Variants in SH3RF3 observed in about 807,000 individuals in gnomAD.
SH3RF3 encodes the protein E3 ubiquitin-protein ligase SH3RF3.
SH3RF3 carries 29 observed loss-of-function variants against 66.3 expected under a neutral mutation model. The observed-to-expected ratio is 0.44, with a 90% CI of 0.33 to 0.60. SH3RF3 has a LOEUF of 0.60. Ranked by LOEUF, SH3RF3 falls within the 20% of genes least tolerant of loss-of-function variation. SH3RF3 has a pLI of 0.04. For missense variants in SH3RF3, 1,194 were observed against 1,190.9 expected (o/e 1.00, Z -0.04); for synonymous variants, 583 against 532.0 (o/e 1.10, Z -1.32).
Position 109,224,832 on chromosome 2 carries a change from G to A in SH3RF3, c.573+94719G>A, listed in dbSNP as rs146971475. 6.3e-3 allele frequency among the ~76,000 whole-genome samples: 964 copies of A among 152,204 alleles called. 15 individuals are homozygous for A. Among genetic ancestry groups the A allele is most frequent in the African/African-American group, 0.022 (922 of 41,486 alleles). On this transcript the variant is annotated intron_variant, in intron 1 of 9. Transcript: ENST00000309415. ...AGATCATGCCACTGCAGTCCAGCCT[G>A]GGTGACAGAGCAAGACTCTGTCTCA...
chr2:109,365,616 A>G (rs1017950710), intron 2 of SH3RF3, among the ~76,000 whole-genome samples: 1 of 152,192 alleles, frequency 6.6e-6, no homozygotes, highest in Non-Finnish European at 1.5e-5. Context: ...TGTGTGTGCT[A>G]ATACACCTTT....
At chr2:109,381,859 T>C (rs1675684610) in intron 3 of SH3RF3, among the ~76,000 whole-genome samples, 1 of 152,140 alleles carries the variant, frequency 6.6e-6, no homozygotes, top group Non-Finnish European at 1.5e-5. Flanking sequence ...GGGGGAAAGC[T>C]GTGCATGTTT....
intron 1 of SH3RF3, among the ~76,000 whole-genome samples, chr2:109,204,075 C>G (rs751776692): frequency 2.0e-5 from 3 of 152,194 alleles, no homozygotes; most frequent in Non-Finnish European, 4.4e-5. Flanking sequence ...ATTTGCACCT[C>G]CTGCCCACTG....
At chr2:109,484,686 C>G (rs1311102694) in intron 8 of SH3RF3, among the ~76,000 whole-genome samples, 1 of 152,160 alleles carries the variant, frequency 6.6e-6, no homozygotes, top group African/African-American at 2.4e-5. Context: ...TAAAAAGAAA[C>G]TCACAAGTGA....
chr2:109,376,169 A>T (rs887344594), intron 3 of SH3RF3, among the ~76,000 whole-genome samples: 2 of 152,252 alleles, frequency 1.3e-5, no homozygotes, highest in African/African-American at 4.8e-5. Context: ...ATTGAAGATC[A>T]CTGTGTCATT....
At chr2:109,333,807 AATGGAGATAAT>A (rs1682341421) in intron 1 of SH3RF3, among the ~76,000 whole-genome samples, 1 of 152,194 alleles carries the variant, frequency 6.6e-6, no homozygotes, top group Non-Finnish European at 1.5e-5. Flanking sequence ...TCCACTGTAA[AATGGAGATAAT>A]ATGGAGATAA....
intron 8 of SH3RF3, among the ~76,000 whole-genome samples, chr2:109,472,386 C>G (rs1319097973): frequency 6.6e-6 from 1 of 152,030 alleles, no homozygotes; most frequent in Non-Finnish European, 1.5e-5. Flanking sequence ...AAGCAATCTT[C>G]CTTAAGAAGC....
rs115916188 is a variant in SH3RF3, at chr2:109,395,096, G to A, written c.946-3494G>A. ...GAAGACAATGAAAACTTCCCCAGATGGAGAGTTTTGCCCCAGGATCAAGTC... is the reference window on the plus strand; with the variant it reads ...GAAGACAATGAAAACTTCCCCAGATAGAGAGTTTTGCCCCAGGATCAAGTC... On this transcript the variant is annotated intron_variant, in intron 3 of 9. Coordinates refer to ENST00000309415, the MANE Select transcript of SH3RF3 (RefSeq NM_001099289.3). 3.4e-3 allele frequency among the ~76,000 whole-genome samples: 520 copies of A among 152,366 alleles called. 1 individual carries two copies. Among genetic ancestry groups the A allele is most frequent in the African/African-American group, 0.012 (504 of 41,590 alleles).
Position 109,161,748 on chromosome 2 carries a change from CAG to C in SH3RF3, c.573+31636_573+31637del, listed in dbSNP as rs1224668114. 4.0e-5 allele frequency among the ~76,000 whole-genome samples: 6 copies of C among 151,788 alleles called. No individual in the cohort carries two copies. The East Asian group carries it at 7.8e-4, about 20-fold the overall frequency. On this transcript the variant is annotated intron_variant, in intron 1 of 9. Coordinates refer to ENST00000309415, the MANE Select transcript of SH3RF3 (RefSeq NM_001099289.3). ...CAGGCTTTTTGTAACAACCAGCTCT[CAG>C]GGGAACTAGTAGAGCAAGAGCTCAC...
intron 1 of SH3RF3, among the ~76,000 whole-genome samples, chr2:109,294,979 T>G (rs1681274766): frequency 6.6e-6 from 1 of 152,236 alleles, no homozygotes; most frequent in Non-Finnish European, 1.5e-5. Flanking sequence ...CATTCAGGGC[T>G]CATGGTAGCC....
At chr2:109,289,693 T>C (rs948049224) in intron 1 of SH3RF3, among the ~76,000 whole-genome samples, 1 of 152,170 alleles carries the variant, frequency 6.6e-6, no homozygotes, top group Non-Finnish European at 1.5e-5. Context: ...CTTCATAGCA[T>C]AGAAGATGAA....
At chr2:109,469,772 A>C (rs1678454950) in intron 8 of SH3RF3, among the ~76,000 whole-genome samples, 1 of 152,218 alleles carries the variant, frequency 6.6e-6, no homozygotes, top group African/African-American at 2.4e-5. Flanking sequence ...CCCAGATCTC[A>C]TGAAGAAAAG....
intron 1 of SH3RF3, among the ~76,000 whole-genome samples, chr2:109,282,162 A>G (rs945605137): frequency 2.0e-5 from 3 of 151,934 alleles, no homozygotes; most frequent in African/African-American, 4.8e-5. Flanking sequence ...TTGATGATGG[A>G]TAGCAGCTAT....
intron 1 of SH3RF3, among the ~76,000 whole-genome samples, chr2:109,254,043 T>C (rs1387325366): frequency 6.6e-6 from 1 of 152,034 alleles, no homozygotes; most frequent in Non-Finnish European, 1.5e-5. Flanking sequence ...ATCACATTTA[T>C]CCTAGATTTG....
intron 1 of SH3RF3, among the ~76,000 whole-genome samples, chr2:109,204,603 G>T (rs772948760): frequency 2.6e-5 from 4 of 152,188 alleles, no homozygotes; most frequent in Non-Finnish European, 4.4e-5. Context: ...TCCAGGTGCC[G>T]GCAGCGCCAC....
chr2:109,397,874 G>A (rs765772053), intron 3 of SH3RF3, among the ~76,000 whole-genome samples: 9 of 152,208 alleles, frequency 5.9e-5, no homozygotes, highest in Non-Finnish European at 8.8e-5. Flanking sequence ...TCAGACTTTC[G>A]TCAAACTCTT....
intron 1 of SH3RF3, among the ~76,000 whole-genome samples, chr2:109,298,425 T>C (rs1002312638): frequency 4.6e-5 from 7 of 152,214 alleles, no homozygotes; most frequent in African/African-American, 1.7e-4. Context: ...CCATGGTCTG[T>C]GGGTCATTGA....
At chr2:109,292,115 A>G (rs1681197835) in intron 1 of SH3RF3, among the ~76,000 whole-genome samples, 1 of 152,186 alleles carries the variant, frequency 6.6e-6, no homozygotes, top group South Asian at 2.1e-4. Flanking sequence ...TGCCCGCCTC[A>G]GCCTCCCAAA....
intron 1 of SH3RF3, among the ~76,000 whole-genome samples, chr2:109,179,916 G>A (rs753161363): frequency 3.9e-5 from 6 of 152,114 alleles, no homozygotes; most frequent in African/African-American, 9.7e-5. Context: ...AGTCACTGAC[G>A]AAAGAACTAG....
Sources: gnomAD v4.1 joint callset for allele counts (sites outside exome capture counted in the v4.1 genomes callset) on GRCh38, gnomAD v4.1.1 for gene constraint, MANE v1.5 for transcripts, NCBI Gene and HGNC (gene_info 2026-07-23, HGNC 2026-07-21) for gene names.